Variants in ZNF385B observed in about 807,000 individuals in gnomAD.
The protein encoded by ZNF385B is zinc finger protein 385B.
A neutral mutation model predicts 39.2 loss-of-function variants in ZNF385B; 23 were observed. The ratio of observed to expected loss-of-function variants is 0.59; its 90% CI spans 0.42 to 0.83. The LOEUF (loss-of-function observed/expected upper bound fraction) is 0.83. Among genes scored for constraint, ZNF385B ranks in the 40% least tolerant of loss-of-function variants. The pLI is 0.00. For synonymous variants in ZNF385B, 205 were observed against 222.6 expected, an observed-to-expected ratio of 0.92 and a Z score of 0.70; for missense variants, 552 against 598.9, an observed-to-expected ratio of 0.92 and a Z score of 0.82.
chr2:179,861,013 G>T, intron 1 of ZNF385B, 88 bp downstream of exon 1: 1 of 167,598 alleles, frequency 6.0e-6, no homozygotes, highest in Non-Finnish European at 1.4e-5. Context: ...CCAGGTGCAG[G>T]CTCGCTCTGC....
chr2:179,562,729 C>T (rs1324151653), intron 3 of ZNF385B: 1 of 280,446 alleles, frequency 3.6e-6, no homozygotes, highest in African/African-American at 2.3e-5. Flanking sequence ...TACTCAAAAA[C>T]TACCACTCTG....
At chr2:179,662,404 A>G (rs936546059) in intron 3 of ZNF385B, among the ~76,000 whole-genome samples, 3 of 142,402 alleles carry the variant, frequency 2.1e-5, no homozygotes, top group Non-Finnish European at 4.6e-5. Context: ...TCTTGCCTCT[A>G]GAACTTTGAA....
At chr2:179,596,027 C>T (rs1236147031) in intron 3 of ZNF385B, among the ~76,000 whole-genome samples, 3 of 152,172 alleles carry the variant, frequency 2.0e-5, no homozygotes, top group Non-Finnish European at 2.9e-5. Context: ...ACTATTTTCT[C>T]TACTAAATTC....
At chr2:179,596,734 T>G (rs1688030329) in intron 3 of ZNF385B, among the ~76,000 whole-genome samples, 1 of 152,210 alleles carries the variant, frequency 6.6e-6, no homozygotes, top group South Asian at 2.1e-4. Flanking sequence ...AATCTCTTAC[T>G]TTTACCATCT....
chr2:179,610,207 A>G (rs1689172333), intron 3 of ZNF385B, among the ~76,000 whole-genome samples: 2 of 152,124 alleles, frequency 1.3e-5, no homozygotes, highest in South Asian at 4.1e-4. Context: ...CGTAGTCTTT[A>G]ATTCATTTTG....
intron 3 of ZNF385B, among the ~76,000 whole-genome samples, chr2:179,693,041 C>A (rs1463058422): frequency 6.6e-6 from 1 of 152,246 alleles, no homozygotes; most frequent in Non-Finnish European, 1.5e-5. Flanking sequence ...CACTCAAGAA[C>A]TATTAAATCA....
At chr2:179,825,607 G>T (rs1707635904) in intron 1 of ZNF385B, among the ~76,000 whole-genome samples, 1 of 152,100 alleles carries the variant, frequency 6.6e-6, no homozygotes, top group Non-Finnish European at 1.5e-5. Context: ...TTATCTTGAA[G>T]CTCAGATTAG....
chr2:179,722,473 T>C (rs780869864), intron 3 of ZNF385B, among the ~76,000 whole-genome samples: 1 of 152,066 alleles, frequency 6.6e-6, no homozygotes, highest in Non-Finnish European at 1.5e-5. Context: ...GTACAGTGAA[T>C]ACTGAAAGCC....
At chr2:179,489,371 A>G (rs891920043) in intron 5 of ZNF385B, among the ~76,000 whole-genome samples, 2 of 152,196 alleles carry the variant, frequency 1.3e-5, no homozygotes, top group African/African-American at 4.8e-5. Context: ...TTAAAAATCA[A>G]ATATTCTATT....
intron 5 of ZNF385B, among the ~76,000 whole-genome samples, chr2:179,512,938 A>T (rs1309778136): frequency 6.6e-6 from 1 of 152,166 alleles, no homozygotes; most frequent in Admixed American, 6.5e-5. Flanking sequence ...AGTTCTACTG[A>T]GATGATATAA....
chr2:179,577,942 CTAAA>C (rs1393539644), intron 3 of ZNF385B, among the ~76,000 whole-genome samples: 1 of 152,040 alleles, frequency 6.6e-6, no homozygotes, highest in Non-Finnish European at 1.5e-5. Flanking sequence ...CAGTAAGTAT[CTAAA>C]TAGTTTTTCC....
chr2:179,789,004 T>C (rs555372036), intron 1 of ZNF385B, among the ~76,000 whole-genome samples: 1 of 152,358 alleles, frequency 6.6e-6, no homozygotes, highest in East Asian at 1.9e-4. Flanking sequence ...TTCTTTTGAA[T>C]AGTCTTTTGT....
At chr2:179,576,890 G>C (rs895162012) in intron 3 of ZNF385B, among the ~76,000 whole-genome samples, 7 of 152,038 alleles carry the variant, frequency 4.6e-5, no homozygotes, top group Non-Finnish European at 1.0e-4. Flanking sequence ...CTTGTTCCAG[G>C]AATCTCTGCT....
chr2:179,811,619 C>G (rs907699756), intron 1 of ZNF385B, among the ~76,000 whole-genome samples: 2 of 152,054 alleles, frequency 1.3e-5, no homozygotes, highest in Non-Finnish European at 2.9e-5. Context: ...TAAAACTAGA[C>G]CTCTACATTT....
At chr2:179,481,953 GA>G (rs1236770457) in intron 6 of ZNF385B, among the ~76,000 whole-genome samples, 6 of 152,198 alleles carry the variant, frequency 3.9e-5, no homozygotes, top group Non-Finnish European at 8.8e-5. Context: ...ATATATGTCA[GA>G]AGGTTTTGTT....
intron 3 of ZNF385B, among the ~76,000 whole-genome samples, chr2:179,574,199 A>T (rs1227297479): frequency 1.3e-5 from 2 of 152,182 alleles, no homozygotes; most frequent in Non-Finnish European, 2.9e-5. Context: ...ATTTTACAAT[A>T]GGGAAAATAT....
intron 3 of ZNF385B, among the ~76,000 whole-genome samples, chr2:179,639,249 A>AAAAGT (rs71029824): frequency 2.3e-5 from 3 of 128,686 alleles, no homozygotes; most frequent in Non-Finnish European, 3.2e-5. Flanking sequence ...AAAAAAAAAA[A>AAAAGT]GGGGGAGAAA....
At chr2:179,519,134 C>T (rs990231453) in intron 4 of ZNF385B, among the ~76,000 whole-genome samples, 17 of 152,180 alleles carry the variant, frequency 1.1e-4, no homozygotes, top group African/African-American at 2.9e-4. Context: ...GCATGTGCCA[C>T]ACTATGCCCA....
At chr2:179,551,581 G>A (rs1444745849) in intron 3 of ZNF385B, among the ~76,000 whole-genome samples, 3 of 151,542 alleles carry the variant, frequency 2.0e-5, no homozygotes, top group East Asian at 1.9e-4. Flanking sequence ...CCCATATTGG[G>A]TGTAAAAATG....
Sources: allele counts gnomAD v4.1 joint callset (sites outside exome capture counted in the v4.1 genomes callset), GRCh38; gene constraint gnomAD v4.1.1; transcripts MANE v1.5; gene names NCBI Gene and HGNC (gene_info 2026-07-23, HGNC 2026-07-21).